The following RPS6KC1 variants were observed in gnomAD, a reference collection of about 807,000 sequenced individuals.
RPS6KC1 encodes the protein inactive ribosomal protein S6 kinase delta-1.
RPS6KC1 carries 54 observed loss-of-function variants against 103.8 expected under a neutral mutation model. The ratio of observed to expected loss-of-function variants is 0.52; its 90% CI spans 0.42 to 0.65. The LOEUF (loss-of-function observed/expected upper bound fraction) is 0.65, where lower values mean the gene tolerates loss of function less well. Among genes scored for constraint, RPS6KC1 ranks in the 30% least tolerant of loss-of-function variants. The pLI is 0.00. For synonymous variants in RPS6KC1, 439 were observed against 438.7 expected, an observed-to-expected ratio of 1.00 and a Z score of -0.01; for missense variants, 1,151 against 1,253.8, an observed-to-expected ratio of 0.92 and a Z score of 1.24.
the RPS6KC1 span, among the ~76,000 whole-genome samples, chr1:213,620,439 A>T: frequency 6.6e-6 from 1 of 152,194 alleles, no homozygotes; most frequent in African/African-American, 2.4e-5. Flanking sequence ...TAATGAGGAA[A>T]TCAACCTTCT....
the RPS6KC1 span, among the ~76,000 whole-genome samples, chr1:213,550,490 C>T: frequency 6.6e-6 from 1 of 152,120 alleles, no homozygotes; most frequent in Admixed American, 6.5e-5. Context: ...CTCGAGACTG[C>T]AGATTGAAGC....
At chr1:213,840,838 G>T in the RPS6KC1 span, 1 of 152,192 alleles carries the variant, frequency 6.6e-6, no homozygotes, top group Non-Finnish European at 1.5e-5. Flanking sequence ...GCCTGTGGAA[G>T]AGTTCAGGGA....
intron 6 of RPS6KC1, among the ~76,000 whole-genome samples, chr1:213,163,004 C>T (rs1482912904): frequency 6.6e-6 from 1 of 152,144 alleles, no homozygotes; most frequent in Non-Finnish European, 1.5e-5. Flanking sequence ...ATGTGTAGAA[C>T]TATAAATTAC....
At chr1:213,487,165 G>T in the RPS6KC1 span, among the ~76,000 whole-genome samples, 1 of 152,194 alleles carries the variant, frequency 6.6e-6, no homozygotes, top group Non-Finnish European at 1.5e-5. Context: ...CACTTTGGGA[G>T]GCCAAGGCGG....
intron 10 of RPS6KC1, among the ~76,000 whole-genome samples, chr1:213,239,083 A>G (rs1186768566): frequency 6.6e-6 from 1 of 152,184 alleles, no homozygotes; most frequent in Non-Finnish European, 1.5e-5. Flanking sequence ...ACTGAGTATA[A>G]AGAGGACAGA....
At chr1:213,703,878 G>A in the RPS6KC1 span, among the ~76,000 whole-genome samples, 1 of 152,004 alleles carries the variant, frequency 6.6e-6, no homozygotes, top group Non-Finnish European at 1.5e-5. Flanking sequence ...CTAGGTTCTA[G>A]GAAGTTCTCT....
chr1:213,507,299 T>C, the RPS6KC1 span, among the ~76,000 whole-genome samples: 1 of 152,178 alleles, frequency 6.6e-6, no homozygotes, highest in East Asian at 1.9e-4. Context: ...GCTCTGGCAC[T>C]CCTACCTGAA....
chr1:213,058,908 A>G (rs943321228), intron 1 of RPS6KC1, among the ~76,000 whole-genome samples: 4 of 152,126 alleles, frequency 2.6e-5, no homozygotes, highest in African/African-American at 9.6e-5. Flanking sequence ...CTTGCAGTTT[A>G]TTTGTGTTCT....
In RPS6KC1 at chr1:213,095,199, G is replaced by A. The variant is rs533564525; in HGVS notation, c.263-9255G>A. Among the ~76,000 whole-genome samples the A allele has an allele frequency of 7.2e-5, 11 of 152,290 alleles. No homozygotes were observed. The East Asian group carries it at 9.6e-4, about 13-fold the overall frequency. ...ATAAATTCAGCTTGTTTAACTACAGGTGTGTTCCTGGTGCTGTTTGGCTAG... is the reference window on the plus strand; with the variant it reads ...ATAAATTCAGCTTGTTTAACTACAGATGTGTTCCTGGTGCTGTTTGGCTAG... On this transcript the variant is annotated intron_variant, in intron 3 of 14. Coordinates refer to ENST00000366960, the MANE Select transcript of RPS6KC1 (RefSeq NM_012424.6).
chr1:213,656,336 C>T, the RPS6KC1 span, among the ~76,000 whole-genome samples: 44 of 152,152 alleles, frequency 2.9e-4, no homozygotes, highest in Non-Finnish European at 5.7e-4. Flanking sequence ...GATTACAAAA[C>T]GTGACAGCAC....
chr1:213,240,821 A>T lies in RPS6KC1; in HGVS notation c.1345A>T (p.Ser449Cys). ...AGTTCACCTGCAGCAGCCAACTTCT[A>T]GTCCTCAGGACAGCAGTAGCTTTGA... The part of the protein sequence containing the change: ...AKVHLQQPTS[S>C]PQDSSSFESR... Residue 449 changes from serine to cysteine, a missense_variant, in exon 11 of 15, where the codon AGT becomes TGT. By Grantham distance (112) the Ser-to-Cys change is moderately radical. This residue lies in a region of RPS6KC1 where 959 missense variants were observed against 1,006.3 expected (regional missense o/e 0.95). Transcript: ENST00000366960. 4 of 1,613,976 alleles carry T rather than the reference A, an allele frequency of 2.5e-6. No homozygotes were observed. In the East Asian group the frequency reaches 8.9e-5, roughly 36 times the overall value.
At chr1:213,272,409 A>G in intron 14 of RPS6KC1, 115 bp from the exon 15 acceptor site, 1 of 751,174 alleles carries the variant, frequency 1.3e-6, no homozygotes, top group Non-Finnish European at 2.3e-6. Context: ...CTTGGCTATT[A>G]ATCAAGACTG....
the RPS6KC1 span, among the ~76,000 whole-genome samples, chr1:213,679,293 A>C: frequency 1.3e-5 from 2 of 152,116 alleles, no homozygotes; most frequent in Admixed American, 1.3e-4. Context: ...TTCCATACTC[A>C]CAGAATCCAG....
At chr1:213,439,108 T>C in the RPS6KC1 span, among the ~76,000 whole-genome samples, 1 of 152,322 alleles carries the variant, frequency 6.6e-6, no homozygotes, top group East Asian at 1.9e-4. Flanking sequence ...TCTTGGTTTC[T>C]TAAGTTATAA....
the RPS6KC1 span, among the ~76,000 whole-genome samples, chr1:213,553,702 A>AT: frequency 6.6e-6 from 1 of 151,592 alleles, no homozygotes; most frequent in Non-Finnish European, 1.5e-5. Context: ...TTATTTTTTG[A>AT]TTTTTTTAAT....
intron 4 of RPS6KC1, among the ~76,000 whole-genome samples, chr1:213,107,992 G>A (rs1478410229): frequency 6.6e-6 from 1 of 152,060 alleles, no homozygotes; most frequent in Non-Finnish European, 1.5e-5. Flanking sequence ...TAAGAGTTCT[G>A]AATATATTCT....
chr1:213,411,574 C>G, the RPS6KC1 span, among the ~76,000 whole-genome samples: 3 of 152,210 alleles, frequency 2.0e-5, no homozygotes, highest in East Asian at 5.8e-4. Flanking sequence ...AGATGGGTAC[C>G]CCTGGGCATC....
chr1:213,545,211 C>CA, the RPS6KC1 span, among the ~76,000 whole-genome samples: 94 of 151,028 alleles, frequency 6.2e-4, 1 homozygote, highest in Middle Eastern at 3.4e-3. Flanking sequence ...ATGAAAAATA[C>CA]AAAAAAAACA....
At chr1:213,713,364 A>G in the RPS6KC1 span, among the ~76,000 whole-genome samples, 1 of 151,962 alleles carries the variant, frequency 6.6e-6, no homozygotes. Context: ...CTGCTTTGTG[A>G]TCTCGCTTCA....
Sources: gnomAD v4.1 joint callset for allele counts (sites outside exome capture counted in the v4.1 genomes callset) on GRCh38, gnomAD v4.1.1 for gene constraint, gnomAD v4.1.1 regional missense constraint, MANE v1.5 for transcripts, NCBI Gene and HGNC (gene_info 2026-07-23, HGNC 2026-07-21) for gene names.